SH2D4A: variants seen among roughly 807,000 people sequenced by gnomAD.
SH2D4A encodes the protein SH2 domain-containing protein 4A.
In SH2D4A, 70 loss-of-function variants were observed where a neutral mutation model predicts 64.7. The observed-to-expected ratio is 1.08, with a 90% CI of 0.89 to 1.32. The LOEUF (loss-of-function observed/expected upper bound fraction) is 1.32, where lower values mean the gene tolerates loss of function less well. Among genes scored for constraint, SH2D4A ranks in the 40% most tolerant of loss-of-function variants. The pLI, the probability that SH2D4A is intolerant of heterozygous loss-of-function variation, is 0.00. For synonymous variants in SH2D4A, 268 were observed against 200.7 expected, an observed-to-expected ratio of 1.34 and a Z score of -2.83; for missense variants, 706 against 540.1, an observed-to-expected ratio of 1.31 and a Z score of -3.04.
chr8:19,318,301 C>T (rs1301478451), intron 1 of SH2D4A, among the ~76,000 whole-genome samples: 2 of 152,012 alleles, frequency 1.3e-5, no homozygotes, highest in Admixed American at 1.3e-4. Flanking sequence ...TTTTGTTTTC[C>T]AGAATAGATA....
intron 2 of SH2D4A, among the ~76,000 whole-genome samples, chr8:19,327,803 A>G (rs1391893676): frequency 1.3e-5 from 2 of 152,196 alleles, no homozygotes; most frequent in African/African-American, 4.8e-5. Context: ...CCTCTTCACA[A>G]TAAACGCCAG....
intron 9 of SH2D4A, 151 bp from the exon 10 acceptor site, chr8:19,394,399 T>C: frequency 1.9e-6 from 1 of 517,562 alleles, no homozygotes; most frequent in Admixed American, 3.3e-5. Context: ...CCTGGTCACA[T>C]GTAGATAAGA....
chr8:19,350,272 C>T (rs1187049385), intron 4 of SH2D4A, among the ~76,000 whole-genome samples: 1 of 152,144 alleles, frequency 6.6e-6, no homozygotes, highest in East Asian at 1.9e-4. Context: ...AATGCTTTGC[C>T]CAAGCAACCT....
chr8:19,389,578 C>A (rs1321817369), intron 8 of SH2D4A, among the ~76,000 whole-genome samples: 1 of 152,184 alleles, frequency 6.6e-6, no homozygotes, highest in Non-Finnish European at 1.5e-5. Flanking sequence ...AGACACTGCC[C>A]ATCAGACCTC....
At chr8:19,351,092 C>T (rs1376449394) in intron 4 of SH2D4A, among the ~76,000 whole-genome samples, 2 of 152,094 alleles carry the variant, frequency 1.3e-5, no homozygotes, top group East Asian at 3.9e-4. Flanking sequence ...AGCAGAGTTC[C>T]ATTATTCTGC....
chr8:19,319,380 C>T lies in SH2D4A; in HGVS notation c.-168C>T. On this transcript the variant is annotated 5_prime_UTR_variant, in exon 2 of 10. Coordinates refer to ENST00000265807, the MANE Select transcript of SH2D4A (RefSeq NM_022071.4). ...AGCATTTTGGACAGGACATTTGGTG[C>T]CAGGTCTGAGTAGCCAGTTTGCTGA... 5 of 1,269,198 alleles carry T rather than the reference C, an allele frequency of 3.9e-6. No homozygotes were observed. Among genetic ancestry groups the T allele is most frequent in the Non-Finnish European group, 3.0e-6 (3 of 1,006,228 alleles). The allele number at this position is 1,269,198 out of a possible 1,614,324, so 78.6% of individuals were successfully genotyped here.
chr8:19,363,843 C>G, intron 6 of SH2D4A: 1 of 545,588 alleles, frequency 1.8e-6, no homozygotes, highest in Admixed American at 3.2e-5. Context: ...TTCCTTTTCT[C>G]TCCCTCTCAG....
At chr8:19,394,083 G>C (rs1472645300) in intron 9 of SH2D4A, among the ~76,000 whole-genome samples, 2 of 152,170 alleles carry the variant, frequency 1.3e-5, no homozygotes, top group African/African-American at 4.8e-5. Flanking sequence ...TCAGGCATTA[G>C]ATTTTCCTAA....
intron 2 of SH2D4A, among the ~76,000 whole-genome samples, chr8:19,324,785 C>G (rs1413164184): frequency 6.6e-6 from 1 of 152,138 alleles, no homozygotes; most frequent in Non-Finnish European, 1.5e-5. Flanking sequence ...GGAAAATGCA[C>G]AGAGACACCA....
At chr8:19,318,195 C>T (rs1047133074) in intron 1 of SH2D4A, among the ~76,000 whole-genome samples, 1 of 152,168 alleles carries the variant, frequency 6.6e-6, no homozygotes, top group Non-Finnish European at 1.5e-5. Context: ...TGAGCCACCC[C>T]GCCTGGCCTA....
chr8:19,339,644 C>T (rs1339086310), intron 4 of SH2D4A, among the ~76,000 whole-genome samples: 1 of 151,992 alleles, frequency 6.6e-6, no homozygotes, highest in Non-Finnish European at 1.5e-5. Context: ...GGACTACAGG[C>T]ACAGGCCACC....
At chr8:19,367,042 T>C (rs1271741874) in intron 7 of SH2D4A, among the ~76,000 whole-genome samples, 5 of 152,208 alleles carry the variant, frequency 3.3e-5, no homozygotes, top group African/African-American at 1.2e-4. Flanking sequence ...TTCTCCTTTC[T>C]CCAGATTCTC....
intron 8 of SH2D4A, among the ~76,000 whole-genome samples, chr8:19,390,340 C>T (rs2053470491): frequency 6.6e-6 from 1 of 152,156 alleles, no homozygotes; most frequent in Non-Finnish European, 1.5e-5. Context: ...GAGATCGCAC[C>T]ACTGCACTGC....
intron 8 of SH2D4A, among the ~76,000 whole-genome samples, chr8:19,376,853 A>T (rs2053204478): frequency 6.6e-6 from 1 of 152,158 alleles, no homozygotes; most frequent in Non-Finnish European, 1.5e-5. Context: ...AGTTCTCAGA[A>T]TGTAATCAGG....
chr8:19,373,467 AC>A (rs1249726994), intron 7 of SH2D4A, 62 bp from the exon 8 acceptor site: 12 of 966,856 alleles, frequency 1.2e-5, no homozygotes, highest in African/African-American at 6.6e-5. Flanking sequence ...TATATATATG[AC>A]TTTTGAGGGC....
At chr8:19,377,419 TGTTA>T (rs1279140344) in intron 8 of SH2D4A, among the ~76,000 whole-genome samples, 2 of 152,204 alleles carry the variant, frequency 1.3e-5, no homozygotes, top group African/African-American at 2.4e-5. Context: ...AGGTCCCCTT[TGTTA>T]GTTTTCTTTT....
At chr8:19,344,696 T>C (rs914977689) in intron 4 of SH2D4A, among the ~76,000 whole-genome samples, 4 of 152,198 alleles carry the variant, frequency 2.6e-5, no homozygotes, top group Non-Finnish European at 5.9e-5. Context: ...ACCATACCCC[T>C]GTAGGCTGTC....
At chr8:19,313,945 C>T (rs975319537) in intron 1 of SH2D4A, 122 bp downstream of exon 1, 2 of 1,275,264 alleles carry the variant, frequency 1.6e-6, no homozygotes, top group African/African-American at 3.1e-5. Flanking sequence ...AGCGGGCGGG[C>T]GGAAGCCTCA....
intron 8 of SH2D4A, among the ~76,000 whole-genome samples, chr8:19,378,808 G>A (rs1271582328): frequency 6.6e-6 from 1 of 151,502 alleles, no homozygotes; most frequent in Non-Finnish European, 1.5e-5. Flanking sequence ...CACTTTGGGA[G>A]GCCAAGGAAG....
Sources: allele counts gnomAD v4.1 joint callset (sites outside exome capture counted in the v4.1 genomes callset), GRCh38; gene constraint gnomAD v4.1.1; transcripts MANE v1.5; gene names NCBI Gene and HGNC (gene_info 2026-07-23, HGNC 2026-07-21).